The following CELSR1 variants were observed in gnomAD, a reference collection of about 807,000 sequenced individuals.
CELSR1 encodes cadherin EGF LAG seven-pass G-type receptor 1.
CELSR1 carries 110 observed loss-of-function variants against 249.1 expected under a neutral mutation model. That is an observed-to-expected ratio of 0.44 (90% CI 0.38 to 0.52). CELSR1 has a LOEUF of 0.52. CELSR1 is among the 20% of genes least tolerant of loss of function. The probability of loss-of-function intolerance (pLI) is 0.00; values close to 1 mark genes in which losing one functional copy is unlikely to be tolerated. For missense variants in CELSR1, 4,109 were observed against 4,296.4 expected (o/e 0.96, Z 1.22); for synonymous variants, 2,113 against 1,900.0 (o/e 1.11, Z -2.92).
chr22:46,398,716 T>A lies in CELSR1; in HGVS notation c.5413-79A>T. On this transcript the variant is annotated intron_variant, in intron 10 of 34. Transcript: ENST00000674500. The surrounding 1 kb of genome is among the most constrained non-coding windows in gnomAD (Gnocchi z 7.2). ...CGTCTCTCAGATGGGAAGGATACACTGGAAGTCTAAACAGTCACTTCAACA... is the reference window on the plus strand; with the variant it reads ...CGTCTCTCAGATGGGAAGGATACACAGGAAGTCTAAACAGTCACTTCAACA... 1 of 1,153,818 alleles carries A rather than the reference T, an allele frequency of 8.7e-7. No individual in the cohort carries two copies. Among genetic ancestry groups the A allele is most frequent in the Non-Finnish European group, 1.2e-6 (1 of 802,518 alleles). The allele number at this position is 1,153,818 out of a possible 1,614,324, so 71.5% of individuals were successfully genotyped here.
intron 2 of CELSR1, among the ~76,000 whole-genome samples, chr22:46,442,416 C>G (rs1417452922): frequency 6.6e-6 from 1 of 152,256 alleles, no homozygotes; most frequent in Non-Finnish European, 1.5e-5. Context: ...AGCTCTGCAG[C>G]ACGCTGTGGG....
At chr22:46,492,682 G>A (rs1010313957) in intron 1 of CELSR1, among the ~76,000 whole-genome samples, 13 of 152,210 alleles carry the variant, frequency 8.5e-5, no homozygotes, top group Non-Finnish European at 1.8e-4. Flanking sequence ...AAAATTAGCT[G>A]GGCGTGTAAG....
At chr22:46,415,253 G>A (rs965832645) in intron 5 of CELSR1, among the ~76,000 whole-genome samples, 25 of 152,190 alleles carry the variant, frequency 1.6e-4, no homozygotes, top group African/African-American at 4.1e-4. Flanking sequence ...AGGTTCAAGC[G>A]ATTCTCCTGC....
chr22:46,432,862 G>A (rs948140650), intron 5 of CELSR1, among the ~76,000 whole-genome samples: 4 of 151,976 alleles, frequency 2.6e-5, no homozygotes, highest in African/African-American at 4.8e-5. Flanking sequence ...TGTACCCCCC[G>A]ACCCAGAGCT....
In CELSR1 at chr22:46,497,967, GGCCA is replaced by G. The variant is rs1029859584; in HGVS notation, c.3545-33626_3545-33623del. ...AACTGTGATTAAGATAGTCTGGTGG[GGCCA>G]GGCACGGTGGCTCACGCTTGTAATC... On this transcript the variant is annotated intron_variant, in intron 1 of 34. Transcript: ENST00000674500. Among the ~76,000 whole-genome samples, 224 of 117,338 alleles carry G rather than the reference GGCCA, an allele frequency of 1.9e-3. 1 individual carries two copies. Among genetic ancestry groups the G allele is most frequent in the Non-Finnish European group, 3.3e-3 (179 of 53,580 alleles). The allele number at this position is 117,338 out of a possible 152,430, so 77.0% of individuals were successfully genotyped here.
chr22:46,411,870 G>T lies in CELSR1; in HGVS notation c.4612-111C>A. On this transcript the variant is annotated intron_variant, in intron 5 of 34. Transcript: ENST00000674500. This position sits in a 1 kb window ranked among gnomAD's most constrained non-coding sequence, Gnocchi z 4.2. ...GGACATGGCACAGGGTGGGCGGCAC[G>T]TAGACAAGGGATGAGGAGCCCCCGG... is the stretch of plus-strand genomic sequence containing the variant. 1 of 1,380,864 alleles carries T rather than the reference G, an allele frequency of 7.2e-7. No homozygotes were observed. Among genetic ancestry groups the T allele is most frequent in the Non-Finnish European group, 1.0e-6 (1 of 994,710 alleles). The allele number at this position is 1,380,864 out of a possible 1,614,324, so 85.5% of individuals were successfully genotyped here. A position where few individuals can be genotyped will look rare whatever the true frequency, so the allele number is the denominator to read the frequency against.
At chr22:46,510,596 A>G (rs1250981378) in intron 1 of CELSR1, among the ~76,000 whole-genome samples, 1 of 152,186 alleles carries the variant, frequency 6.6e-6, no homozygotes, top group Admixed American at 6.5e-5. Flanking sequence ...CTCGGCTCAC[A>G]CGCAGCCCCA....
At chr22:46,458,970 G>C (rs2079988696) in intron 2 of CELSR1, among the ~76,000 whole-genome samples, 1 of 152,122 alleles carries the variant, frequency 6.6e-6, no homozygotes, top group Non-Finnish European at 1.5e-5. Context: ...TCGGGTCACT[G>C]CAACTTCCGC....
intron 1 of CELSR1, among the ~76,000 whole-genome samples, chr22:46,499,298 G>C (rs2080444142): frequency 6.6e-6 from 1 of 151,976 alleles, no homozygotes; most frequent in Admixed American, 6.6e-5. Context: ...ACAGGAATTG[G>C]CAGACCACAA....
intron 3 of CELSR1, among the ~76,000 whole-genome samples, chr22:46,438,690 G>C (rs5768773): frequency 0.49 from 74,447 of 152,026 alleles, 18,482 homozygotes; most frequent in Middle Eastern, 0.58. Context: ...CCAGAGGCTG[G>C]GGAGGGAGCA....
chr22:46,433,641 T>C lies in CELSR1; in HGVS notation c.4523-160A>G, dbSNP rs1048297809. ...ATGGTGGGAGGCGCCCACCACTCCA[T>C]CCATTTTCTTTTCTGGTTACAAAAG... On this transcript the variant is annotated intron_variant, in intron 4 of 34. Coordinates refer to ENST00000674500, the MANE Select transcript of CELSR1 (RefSeq NM_001378328.1). The surrounding 1 kb of genome is among the most constrained non-coding windows in gnomAD (Gnocchi z 5.7). Among the ~76,000 whole-genome samples the C allele has an allele frequency of 6.6e-6, 1 of 152,204 alleles. No individual in the cohort carries two copies.
rs867287235 is a variant in CELSR1 at position 46,423,187 on chromosome 22, C to T, written c.4611+10206G>A. Among the ~76,000 whole-genome samples, 2 of 152,248 alleles carry T rather than the reference C, an allele frequency of 1.3e-5. No individual in the cohort carries two copies. Among genetic ancestry groups the T allele is most frequent in the African/African-American group, 4.8e-5 (2 of 41,464 alleles). On this transcript the variant is annotated intron_variant, in intron 5 of 34. Coordinates refer to ENST00000674500, the MANE Select transcript of CELSR1 (RefSeq NM_001378328.1). This position sits in a 1 kb window ranked among gnomAD's most constrained non-coding sequence, Gnocchi z 5.6. ...GGGTGGCCTGCTGGAAGATGAGAGG[C>T]CCCAGCTGCCATGGCTAACGGCCAG...
chr22:46,452,738 G>C (rs545729442), intron 2 of CELSR1, among the ~76,000 whole-genome samples: 1 of 152,366 alleles, frequency 6.6e-6, no homozygotes, highest in South Asian at 2.1e-4. Flanking sequence ...TGAGCCTGGT[G>C]GTGGGTCCTA....
At position 46,464,209 on chromosome 22, in the gene CELSR1, G is replaced by A. The variant is rs376620789; in HGVS notation, c.3681C>T (p.Phe1227=). ...EKFLSPLLAL[F]VEGVAAVLST... ...ACAGCACGGCGGCCACCCCCTCCACGAAGAGGGCCAGCAGCGGGGACAGGA... is the reference window on the plus strand; with the variant it reads ...ACAGCACGGCGGCCACCCCCTCCACAAAGAGGGCCAGCAGCGGGGACAGGA... The change falls in exon 2 of 35, where the codon TTC becomes TTT. Residue 1227 remains phenylalanine, a synonymous_variant. Transcript: ENST00000674500. This position sits in a 1 kb window ranked among gnomAD's most constrained non-coding sequence, Gnocchi z 8.5. 18 of 1,613,612 alleles carry A rather than the reference G, an allele frequency of 1.1e-5. No homozygotes were observed. The highest frequency in any genetic ancestry group is 6.6e-5 in the South Asian group (6 of 91,084).
chr22:46,463,834 C>G lies in CELSR1; in HGVS notation c.4056G>C (p.Pro1352=). Residue 1352 remains proline (P), a synonymous_variant, in exon 2 of 35, where the codon CCG becomes CCC. Transcript: ENST00000674500. The part of the protein sequence containing the change: ...HPINGLRCRC[P]PGFTGDYCET... ...CGCAGTAGTCGCCGGTGAAGCCGGG[C>G]GGGCAGCGGCAGCGCAGGCCGTTGA... 6.2e-7 allele frequency: 1 copy of G among 1,611,544 alleles called. No homozygotes were observed. Among genetic ancestry groups the G allele is most frequent in the African/African-American group, 1.3e-5 (1 of 75,028 alleles).
intron 1 of CELSR1, chr22:46,481,784 CT>C (rs112110956): frequency 0.18 from 50,499 of 273,906 alleles, 1,405 homozygotes; most frequent in African/African-American, 0.24. Context: ...TTTTCTAAAT[CT>C]TTTTTTTTTT....
chr22:46,402,620 A>T lies in CELSR1; in HGVS notation c.5227-2718T>A, dbSNP rs2079220952. On this transcript the variant is annotated intron_variant, in intron 9 of 34. Transcript: ENST00000674500. The surrounding 1 kb of genome is among the most constrained non-coding windows in gnomAD (Gnocchi z 5.0). ...ATATAAGGTAATATGCTTGAAAACC[A>T]AGAGAAGCAAGGAAGAGTGGCAACA... is the stretch of plus-strand genomic sequence containing the variant. Among the ~76,000 whole-genome samples the T allele has an allele frequency of 6.6e-6, 1 of 152,234 alleles. No homozygotes were observed. Among genetic ancestry groups the T allele is most frequent in the Admixed American group, 6.5e-5 (1 of 15,276 alleles).
At chr22:46,531,654 G>A (rs1366321650) in intron 1 of CELSR1, among the ~76,000 whole-genome samples, 1 of 152,224 alleles carries the variant, frequency 6.6e-6, no homozygotes, top group African/African-American at 2.4e-5. Context: ...GCCCCCCACT[G>A]GCTGTGCAGT....
chr22:46,495,770 G>A (rs188974655), intron 1 of CELSR1, among the ~76,000 whole-genome samples: 179 of 152,264 alleles, frequency 1.2e-3, no homozygotes, highest in African/African-American at 3.6e-3. Context: ...AGCCGAGATC[G>A]TGCCTTTGCA....
Sources: gnomAD v4.1 joint callset for allele counts (sites outside exome capture counted in the v4.1 genomes callset) on GRCh38, gnomAD v4.1.1 for gene constraint, Gnocchi (gnomAD v3.1) non-coding constraint, MANE v1.5 for transcripts, NCBI Gene and HGNC (gene_info 2026-07-23, HGNC 2026-07-21) for gene names.